NKAIN3: variants seen among roughly 807,000 people sequenced by gnomAD.
NKAIN3 encodes the protein sodium/potassium-transporting ATPase subunit beta-1-interacting protein 3.
NKAIN3 carries 25 observed loss-of-function variants against 30.2 expected under a neutral mutation model. The observed-to-expected ratio is 0.83, with a 90% CI of 0.60 to 1.16. The LOEUF is 1.16. Among genes scored for constraint, NKAIN3 ranks in the 50% most tolerant of loss-of-function variants. The pLI is 0.00. For missense variants in NKAIN3, 225 were observed against 254.1 expected (o/e 0.89, Z 0.78); for synonymous variants, 91 against 89.6 (o/e 1.02, Z -0.09).
intron 1 of NKAIN3, among the ~76,000 whole-genome samples, chr8:62,475,221 A>G (rs995469162): frequency 6.6e-6 from 1 of 152,230 alleles, no homozygotes; most frequent in South Asian, 2.1e-4. Flanking sequence ...GTTCGTGATG[A>G]GAATAAAGTG....
intron 1 of NKAIN3, among the ~76,000 whole-genome samples, chr8:62,447,929 C>G (rs1391981851): frequency 6.6e-6 from 1 of 151,888 alleles, no homozygotes; most frequent in Non-Finnish European, 1.5e-5. Flanking sequence ...AAATCTAAAA[C>G]CTTTATCTGA....
At chr8:62,960,289 T>C (rs1348128806) in intron 6 of NKAIN3, among the ~76,000 whole-genome samples, 1 of 152,158 alleles carries the variant, frequency 6.6e-6, no homozygotes, top group Non-Finnish European at 1.5e-5. Context: ...ACATGTGACT[T>C]CACTCTCTGC....
chr8:62,287,325 T>C (rs537731164), intron 1 of NKAIN3, among the ~76,000 whole-genome samples: 1 of 152,114 alleles, frequency 6.6e-6, no homozygotes, highest in Admixed American at 6.6e-5. Flanking sequence ...CGTGATTTCA[T>C]GCATTAATAT....
intron 4 of NKAIN3, among the ~76,000 whole-genome samples, chr8:62,796,009 C>A (rs1817849514): frequency 6.6e-6 from 1 of 151,800 alleles, no homozygotes. Context: ...TTGATTTGGC[C>A]AAAAAAATGA....
At chr8:62,265,757 A>G (rs1397569585) in intron 1 of NKAIN3, among the ~76,000 whole-genome samples, 1 of 152,152 alleles carries the variant, frequency 6.6e-6, no homozygotes, top group African/African-American at 2.4e-5. Flanking sequence ...TGGCATTAAC[A>G]CTGTAACCGG....
chr8:62,620,151 G>T (rs1483958805), intron 3 of NKAIN3, among the ~76,000 whole-genome samples: 2 of 152,036 alleles, frequency 1.3e-5, no homozygotes, highest in Non-Finnish European at 2.9e-5. Flanking sequence ...AGGACACAGG[G>T]GTATGCTCTC....
chr8:62,279,294 T>G (rs961526483), intron 1 of NKAIN3, among the ~76,000 whole-genome samples: 1 of 152,196 alleles, frequency 6.6e-6, no homozygotes, highest in African/African-American at 2.4e-5. Flanking sequence ...GTGAGTAGAT[T>G]GCAAAAATTT....
At chr8:62,799,916 T>C (rs1434526615) in intron 4 of NKAIN3, among the ~76,000 whole-genome samples, 1 of 152,160 alleles carries the variant, frequency 6.6e-6, no homozygotes, top group African/African-American at 2.4e-5. Context: ...TGGGTGGAAT[T>C]GGAGGCTATT....
intron 1 of NKAIN3, among the ~76,000 whole-genome samples, chr8:62,495,132 G>A (rs930025584): frequency 6.6e-6 from 1 of 152,020 alleles, no homozygotes; most frequent in South Asian, 2.1e-4. Context: ...TGCAGCAGCT[G>A]TAGTTCACAC....
At chr8:62,653,667 G>A (rs570211149) in intron 3 of NKAIN3, among the ~76,000 whole-genome samples, 3 of 152,268 alleles carry the variant, frequency 2.0e-5, no homozygotes, top group Admixed American at 2.0e-4. Context: ...TGGATCTTGG[G>A]AGCAGGATGG....
intron 4 of NKAIN3, chr8:62,857,135 A>G: frequency 5.5e-6 from 2 of 363,930 alleles, no homozygotes; most frequent in Admixed American, 3.8e-5. Context: ...TGGACCAGAA[A>G]TTCTTTCCTT....
At chr8:62,739,234 C>A (rs1406921050) in intron 3 of NKAIN3, among the ~76,000 whole-genome samples, 4 of 151,428 alleles carry the variant, frequency 2.6e-5, no homozygotes, top group Non-Finnish European at 5.9e-5. Context: ...GCACATTCTG[C>A]ACACATAACC....
At chr8:62,515,823 G>A (rs1386732044) in intron 1 of NKAIN3, among the ~76,000 whole-genome samples, 1 of 152,042 alleles carries the variant, frequency 6.6e-6, no homozygotes, top group Non-Finnish European at 1.5e-5. Flanking sequence ...TGCTAGTGAG[G>A]CTGAATATTT....
At chr8:62,628,195 G>A (rs1440143244) in intron 3 of NKAIN3, among the ~76,000 whole-genome samples, 1 of 152,116 alleles carries the variant, frequency 6.6e-6, no homozygotes, top group Admixed American at 6.6e-5. Flanking sequence ...CATCAGCTTT[G>A]GGAAACATCA....
intron 1 of NKAIN3, among the ~76,000 whole-genome samples, chr8:62,479,928 A>T (rs567159259): frequency 6.6e-6 from 1 of 152,340 alleles, no homozygotes; most frequent in African/African-American, 2.4e-5. Flanking sequence ...GAATAGGAAA[A>T]AATGAGAAAA....
chr8:62,968,280 C>T lies in NKAIN3; in HGVS notation c.*2873C>T, dbSNP rs958411537. On this transcript the variant is annotated 3_prime_UTR_variant, in exon 7 of 7. Transcript: ENST00000623646. ...TAATACTTGGCAATTACCCGTTAATCTGGGTAATTCCAATGAAGTACTGTC... is the reference window on the plus strand; with the variant it reads ...TAATACTTGGCAATTACCCGTTAATTTGGGTAATTCCAATGAAGTACTGTC... 6.6e-6 allele frequency among the ~76,000 whole-genome samples: 1 copy of T among 152,156 alleles called. No individual in the cohort carries two copies. Among genetic ancestry groups the T allele is most frequent in the Non-Finnish European group, 1.5e-5 (1 of 68,020 alleles).
At chr8:62,505,145 T>A (rs1411317196) in intron 1 of NKAIN3, among the ~76,000 whole-genome samples, 1 of 152,144 alleles carries the variant, frequency 6.6e-6, no homozygotes, top group Non-Finnish European at 1.5e-5. Context: ...AACAATAAGG[T>A]CAATACAGCA....
At chr8:62,939,680 T>C (rs1250676960) in intron 5 of NKAIN3, among the ~76,000 whole-genome samples, 1 of 152,062 alleles carries the variant, frequency 6.6e-6, no homozygotes, top group Non-Finnish European at 1.5e-5. Flanking sequence ...AAAAAAGATA[T>C]AGTCTTTTCA....
chr8:62,698,999 A>T (rs1385267603), intron 3 of NKAIN3, among the ~76,000 whole-genome samples: 1 of 152,176 alleles, frequency 6.6e-6, no homozygotes, highest in Non-Finnish European at 1.5e-5. Flanking sequence ...TGAGTCCTGG[A>T]CAATTATTTC....
Sources: gnomAD v4.1 joint callset for allele counts (sites outside exome capture counted in the v4.1 genomes callset) on GRCh38, gnomAD v4.1.1 for gene constraint, MANE v1.5 for transcripts, NCBI Gene and HGNC (gene_info 2026-07-23, HGNC 2026-07-21) for gene names.